GASK1B: variants seen among roughly 807,000 people sequenced by gnomAD.
GASK1B encodes the protein Golgi-associated kinase 1B.
Under a neutral mutation model 42.8 loss-of-function variants are expected in GASK1B, and 34 were observed. The observed-to-expected ratio is 0.79, with a 90% confidence interval of 0.60 to 1.06. The LOEUF is 1.06. Among genes scored for constraint, GASK1B ranks in the 50% least tolerant of loss-of-function variants. GASK1B has a pLI of 0.00. For missense variants in GASK1B, 686 were observed against 661.0 expected, an observed-to-expected ratio of 1.04 and a Z score of -0.42; for synonymous variants, 262 against 259.1, an observed-to-expected ratio of 1.01 and a Z score of -0.11.
At chr4:158,141,337 T>G (rs1365618109) in intron 3 of GASK1B, among the ~76,000 whole-genome samples, 1 of 151,688 alleles carries the variant, frequency 6.6e-6, no homozygotes, top group Non-Finnish European at 1.5e-5. Flanking sequence ...TATGAGATAC[T>G]GGGCCTCAAT....
At position 158,170,363 on chromosome 4, in the gene GASK1B, C is replaced by T. The variant is rs775245275; in HGVS notation, c.910+103G>A. The T allele has an allele frequency of 2.2e-5, 36 of 1,613,996 alleles. No individual in the cohort carries two copies. The Admixed American group carries it at 5.2e-4, about 23-fold the overall frequency. The stretch of plus-strand genomic sequence containing the variant: ...GCTGCTGCTGCTGTCCAAATGTGAA[C>T]CGTGGGTGGAGAAAAATCATTTAGA... On this transcript the variant is annotated intron_variant, in intron 2 of 4. Transcript: ENST00000585682.
intron 4 of GASK1B, among the ~76,000 whole-genome samples, chr4:158,128,895 G>A (rs561714332): frequency 6.6e-6 from 1 of 152,316 alleles, no homozygotes; most frequent in South Asian, 2.1e-4. Context: ...TTTGCTTTAT[G>A]AAGTGTTAAT....
intron 2 of GASK1B, among the ~76,000 whole-genome samples, chr4:158,161,143 C>A (rs534110967): frequency 6.6e-6 from 1 of 151,366 alleles, no homozygotes; most frequent in South Asian, 2.1e-4. Flanking sequence ...TTTGAAGAAG[C>A]CTAAAAAATA....
chr4:158,157,866 T>G (rs1050129889), intron 2 of GASK1B, among the ~76,000 whole-genome samples: 14 of 151,960 alleles, frequency 9.2e-5, no homozygotes, highest in African/African-American at 3.4e-4. Flanking sequence ...TAAAGGTAAA[T>G]CCACTCATTT....
intron 3 of GASK1B, among the ~76,000 whole-genome samples, chr4:158,144,355 A>T (rs1731252436): frequency 6.6e-6 from 1 of 152,228 alleles, no homozygotes; most frequent in African/African-American, 2.4e-5. Context: ...TCTTCTAGTG[A>T]CAAACTATGG....
In GASK1B at chr4:158,171,396, T is replaced by C; in HGVS notation, c.-21A>G. On this transcript the variant is annotated 5_prime_UTR_variant, in exon 2 of 5. Coordinates refer to ENST00000585682, the MANE Select transcript of GASK1B (RefSeq NM_001128424.2). Reference sequence around the variant, plus strand: ...GTCATTTCTCTGCCGCATCCACATGTTGAACGGAGTTTAAAGTCTGCAGTT... The same window carrying C: ...GTCATTTCTCTGCCGCATCCACATGCTGAACGGAGTTTAAAGTCTGCAGTT... The C allele has an allele frequency of 1.0e-5, 16 of 1,534,876 alleles. No individual in the cohort carries two copies. The highest frequency in any genetic ancestry group is 1.4e-5 in the Non-Finnish European group (16 of 1,138,460).
chr4:158,163,600 G>A (rs570312219), intron 2 of GASK1B, among the ~76,000 whole-genome samples: 22 of 151,726 alleles, frequency 1.4e-4, no homozygotes, highest in African/African-American at 4.1e-4. Context: ...GTTAGTATGC[G>A]TTAAGCAATG....
intron 3 of GASK1B, among the ~76,000 whole-genome samples, chr4:158,144,319 G>A (rs1056179474): frequency 5.9e-5 from 9 of 152,106 alleles, no homozygotes; most frequent in Non-Finnish European, 2.9e-5. Flanking sequence ...ATTATCTTAA[G>A]TAACATCATC....
At chr4:158,136,345 G>A (rs1221074934) in intron 3 of GASK1B, among the ~76,000 whole-genome samples, 1 of 151,968 alleles carries the variant, frequency 6.6e-6, no homozygotes, top group East Asian at 1.9e-4. Flanking sequence ...AACATAGCAG[G>A]ACCCCCAGAA....
intron 3 of GASK1B, among the ~76,000 whole-genome samples, chr4:158,139,754 C>T (rs1731043551): frequency 6.6e-6 from 1 of 152,026 alleles, no homozygotes; most frequent in Non-Finnish European, 1.5e-5. Context: ...CTATGCTTTC[C>T]AAACAAATGA....
chr4:158,156,041 G>C (rs1218436014), intron 2 of GASK1B, among the ~76,000 whole-genome samples: 1 of 151,936 alleles, frequency 6.6e-6, no homozygotes, highest in East Asian at 1.9e-4. Flanking sequence ...GTTATTGTTA[G>C]ACAATGAAAA....
At position 158,127,101 on chromosome 4, in the gene GASK1B, A is replaced by G; in HGVS notation, c.*306T>C. On this transcript the variant is annotated 3_prime_UTR_variant, in exon 5 of 5. Coordinates refer to ENST00000585682, the MANE Select transcript of GASK1B (RefSeq NM_001128424.2). ...GCAGTTTTCTATTAAACAGCATGAC[A>G]AATGTTTTCAAAACTTAGCTAGAAT... is the stretch of plus-strand genomic sequence containing the variant. 4.6e-6 allele frequency: 1 copy of G among 217,574 alleles called. No individual in the cohort carries two copies. Among genetic ancestry groups the G allele is most frequent in the Non-Finnish European group, 9.1e-6 (1 of 110,180 alleles). 13.5% of individuals were successfully genotyped at this position (217,574 alleles called of 1,614,324 possible).
At position 158,170,979 on chromosome 4, in the gene GASK1B, G is replaced by A. The variant is rs778373976; in HGVS notation, c.397C>T (p.His133Tyr). ...GTVKPKRRKK[H>Y]AVASAAPGQE... ...CCTGGGGCAGCCGATGCCACTGCAT[G>A]CTTTTTCCTGCGCTTGGGCTTCACG... is the stretch of plus-strand genomic sequence containing the variant. Residue 133 changes from histidine to tyrosine, a missense_variant, in exon 2 of 5, where the codon CAT becomes TAT. By Grantham distance (83) the His-to-Tyr change is moderately conservative (BLOSUM62 2). Transcript: ENST00000585682. 5.6e-6 allele frequency: 9 copies of A among 1,614,220 alleles called. No individual in the cohort carries two copies. Among genetic ancestry groups the A allele is most frequent in the Non-Finnish European group, 7.6e-6 (9 of 1,180,044 alleles).
Position 158,133,250 on chromosome 4 carries a change from A to G in GASK1B, c.1126-2238T>C, listed in dbSNP as rs560488051. Among the ~76,000 whole-genome samples, 5 of 152,326 alleles carry G rather than the reference A, an allele frequency of 3.3e-5. No individual in the cohort carries two copies. In the South Asian group the frequency reaches 8.3e-4, roughly 25 times the overall value. ...CTAATGATTCTCAGAGAATCTGTGTACCATTTTATCATCATTGTTTTATCT... is the reference window on the plus strand; with the variant it reads ...CTAATGATTCTCAGAGAATCTGTGTGCCATTTTATCATCATTGTTTTATCT... On this transcript the variant is annotated intron_variant, in intron 3 of 4. Transcript: ENST00000585682.
chr4:158,144,434 C>T (rs1731255375), intron 3 of GASK1B, among the ~76,000 whole-genome samples: 1 of 152,126 alleles, frequency 6.6e-6, no homozygotes, highest in African/African-American at 2.4e-5. Context: ...CTTAGTTGTA[C>T]ACTATTAAAA....
At chr4:158,148,789 T>C (rs564012726) in intron 3 of GASK1B, among the ~76,000 whole-genome samples, 1 of 152,312 alleles carries the variant, frequency 6.6e-6, no homozygotes, top group African/African-American at 2.4e-5. Context: ...ATTTCACATG[T>C]TCAGATTCGT....
chr4:158,164,446 G>C (rs1262560287), intron 2 of GASK1B, among the ~76,000 whole-genome samples: 1 of 152,136 alleles, frequency 6.6e-6, no homozygotes, highest in Non-Finnish European at 1.5e-5. Context: ...TATGTAGTGA[G>C]CAAATAAGAG....
chr4:158,138,417 A>G (rs973286670), intron 3 of GASK1B, among the ~76,000 whole-genome samples: 4 of 152,238 alleles, frequency 2.6e-5, no homozygotes, highest in African/African-American at 4.8e-5. Flanking sequence ...CTATTAGGCA[A>G]TAAATTTAAC....
At chr4:158,169,465 C>G (rs1732369168) in intron 2 of GASK1B, 1 of 152,190 alleles carries the variant, frequency 6.6e-6, no homozygotes, top group African/African-American at 2.4e-5. Flanking sequence ...GGGTCTCAGC[C>G]ACTCCCAGGG....
Sources: gnomAD v4.1 joint callset for allele counts (sites outside exome capture counted in the v4.1 genomes callset) on GRCh38, gnomAD v4.1.1 for gene constraint, MANE v1.5 for transcripts, NCBI Gene and HGNC (gene_info 2026-07-23, HGNC 2026-07-21) for gene names.